MYO5C: variants seen among roughly 807,000 people sequenced by gnomAD.
The protein encoded by MYO5C is unconventional myosin-Vc.
In MYO5C, 194 loss-of-function variants were observed where a neutral mutation model predicts 235.7. That is an observed-to-expected ratio of 0.82 (90% CI 0.73 to 0.93). The LOEUF is 0.93. MYO5C is among the 40% of genes least tolerant of loss of function. The probability of loss-of-function intolerance (pLI) is 0.00; values close to 1 mark genes in which losing one functional copy is unlikely to be tolerated. For missense variants in MYO5C, 2,038 were observed against 2,127.2 expected (o/e 0.96, Z 0.82); for synonymous variants, 707 against 754.8 (o/e 0.94, Z 1.04).
intron 34 of MYO5C, among the ~76,000 whole-genome samples, chr15:52,212,907 C>G (rs143551399): frequency 2.0e-5 from 3 of 152,190 alleles, no homozygotes; most frequent in Non-Finnish European, 4.4e-5. Context: ...TTGGCCCCCA[C>G]AGGACATTCG....
chr15:52,205,192 C>T, intron 37 of MYO5C, 45 bp from the exon 38 acceptor site: 1 of 1,596,408 alleles, frequency 6.3e-7, no homozygotes, highest in Non-Finnish European at 8.5e-7. Flanking sequence ...AGGAGACACA[C>T]GCGGAACGTT....
rs267604255 is a variant in MYO5C, at chr15:52,247,568, G to A, written c.1771C>T (p.Gln591Ter). 6.2e-7 allele frequency: 1 copy of A among 1,613,930 alleles called. No homozygotes were observed. The highest frequency in any genetic ancestry group is 8.5e-7 in the Non-Finnish European group (1 of 1,179,942). ...GGAGAAGGAGGAGTTGGATTTTCTT[G>A]AAAAAAGTTGGCACAGAGATGAAAC... ...SKFHLCANFFQENPTPPSPFG... is the reference protein window; with the variant it reads ...SKFHLCANFF The change falls in exon 15 of 41, where the codon CAA becomes TAA. Residue 591 changes from glutamine to a stop codon, truncating the protein, a stop_gained. Coordinates refer to ENST00000261839, the MANE Select transcript of MYO5C (RefSeq NM_018728.4). LOFTEE classifies it high-confidence loss of function.
intron 40 of MYO5C, 112 bp downstream of exon 40, chr15:52,195,265 A>G: frequency 1.4e-6 from 1 of 702,152 alleles, no homozygotes; most frequent in Non-Finnish European, 2.3e-6. Flanking sequence ...TTTCATTTGT[A>G]TATGTGGGTA....
At position 52,213,170 on chromosome 15, in the gene MYO5C, A is replaced by G; in HGVS notation, c.4141+18T>C. On this transcript the variant is annotated intron_variant, in intron 34 of 40. Coordinates refer to ENST00000261839, the MANE Select transcript of MYO5C (RefSeq NM_018728.4). The stretch of plus-strand genomic sequence containing the variant: ...TCTCAAAGAGAAAGCAAAAATCCAG[A>G]GTTCCAGGTTTCACTACCAAGAATG... 6.2e-7 allele frequency: 1 copy of G among 1,601,572 alleles called. No individual in the cohort carries two copies. Among genetic ancestry groups the G allele is most frequent in the Non-Finnish European group, 8.6e-7 (1 of 1,168,596 alleles).
chr15:52,278,212 T>C (rs964375278), intron 4 of MYO5C, among the ~76,000 whole-genome samples: 20 of 152,140 alleles, frequency 1.3e-4, no homozygotes, highest in African/African-American at 3.9e-4. Context: ...ATGGGAAAAA[T>C]AAACTAGAGT....
intron 23 of MYO5C, among the ~76,000 whole-genome samples, 153 bp downstream of exon 23, chr15:52,235,517 C>T (rs756668032): frequency 1.3e-4 from 20 of 152,178 alleles, no homozygotes; most frequent in Non-Finnish European, 2.1e-4. Context: ...AAAGTTACCA[C>T]GACTTAAATA....
intron 10 of MYO5C, among the ~76,000 whole-genome samples, chr15:52,260,072 G>A (rs187633982): frequency 2.3e-4 from 35 of 152,352 alleles, no homozygotes; most frequent in African/African-American, 8.2e-4. Context: ...GGGGCCAGCT[G>A]CTAGAAAAGC....
In MYO5C at chr15:52,204,927, G is replaced by T; in HGVS notation, c.4758C>A (p.Val1586=). The T allele has an allele frequency of 6.2e-7, 1 of 1,614,214 alleles. No homozygotes were observed. The highest frequency in any genetic ancestry group is 1.1e-5 in the South Asian group (1 of 91,080). ...TGCGCAGGAAGAGGCTGTTCAGCGT[G>T]ACCGCCCCGATCAAGAAGAAGAGCT... ...VKQLFFLIGA[V]TLNSLFLRKD... is the part of the protein sequence containing the mutation. Residue 1586 remains valine, a synonymous_variant, in exon 38 of 41, where the codon GTC becomes GTA. Transcript: ENST00000261839.
intron 34 of MYO5C, among the ~76,000 whole-genome samples, chr15:52,212,144 T>G (rs1366002430): frequency 2.0e-5 from 3 of 152,226 alleles, no homozygotes; most frequent in African/African-American, 4.8e-5. Context: ...ATCTTTATTT[T>G]TCCCTGGTGT....
Position 52,208,536 on chromosome 15 carries a change from C to G in MYO5C, c.4386+18G>C. 6.2e-7 allele frequency: 1 copy of G among 1,610,938 alleles called. No homozygotes were observed. The highest frequency in any genetic ancestry group is 8.5e-7 in the Non-Finnish European group (1 of 1,177,452). ...CTGGCTGTCAGCACAAAACAACAAGCAGGTGGGCGCCCCCTACCTCTTCTC... is the reference window on the plus strand; with the variant it reads ...CTGGCTGTCAGCACAAAACAACAAGGAGGTGGGCGCCCCCTACCTCTTCTC... On this transcript the variant is annotated intron_variant, in intron 36 of 40. Transcript: ENST00000261839.
At chr15:52,205,196 G>T in intron 37 of MYO5C, 49 bp from the exon 38 acceptor site, 1 of 1,586,496 alleles carries the variant, frequency 6.3e-7, no homozygotes, top group South Asian at 1.1e-5. Context: ...GACACACGCG[G>T]AACGTTCCCG....
intron 34 of MYO5C, 38 bp downstream of exon 34, chr15:52,213,150 A>G: frequency 1.3e-6 from 2 of 1,553,174 alleles, no homozygotes; most frequent in South Asian, 2.2e-5. Flanking sequence ...CAAGTTCTCA[A>G]AGAGAAAGCA....
At chr15:52,208,092 T>C (rs1014823034) in intron 36 of MYO5C, among the ~76,000 whole-genome samples, 6 of 152,212 alleles carry the variant, frequency 3.9e-5, no homozygotes, top group African/African-American at 1.4e-4. Flanking sequence ...TTATTTTAGT[T>C]CAATGAAATT....
intron 1 of MYO5C, among the ~76,000 whole-genome samples, chr15:52,292,554 CAT>C (rs979521838): frequency 5.3e-5 from 8 of 152,228 alleles, no homozygotes; most frequent in East Asian, 1.9e-4. Flanking sequence ...GCATCTAGCA[CAT>C]AGAGATAAAA....
chr15:52,203,726 C>T (rs2035238321), intron 38 of MYO5C, among the ~76,000 whole-genome samples: 1 of 152,154 alleles, frequency 6.6e-6, no homozygotes, highest in South Asian at 2.1e-4. Context: ...AGGTCTTATT[C>T]ATTCTTTCTC....
intron 32 of MYO5C, among the ~76,000 whole-genome samples, 176 bp downstream of exon 32, chr15:52,218,343 G>C (rs950692103): frequency 6.6e-6 from 1 of 152,148 alleles, no homozygotes; most frequent in Admixed American, 6.5e-5. Context: ...AGTCCCCAAG[G>C]CCTTCCCAAA....
At chr15:52,236,610 A>G (rs571546513) in intron 22 of MYO5C, among the ~76,000 whole-genome samples, 56 of 152,182 alleles carry the variant, frequency 3.7e-4, no homozygotes, top group African/African-American at 1.2e-3. Context: ...CGGGAGGTGG[A>G]GGTTGCAGTG....
At chr15:52,228,424 G>A (rs918618352) in intron 25 of MYO5C, among the ~76,000 whole-genome samples, 1 of 152,170 alleles carries the variant, frequency 6.6e-6, no homozygotes, top group Admixed American at 6.5e-5. Flanking sequence ...TTACAGGCCT[G>A]AGCCACCGTG....
Position 52,225,112 on chromosome 15 carries a change from GTTGT to G in MYO5C, c.3324_3327del (p.Lys1108AsnfsTer11). The G allele has an allele frequency of 6.2e-7, 1 of 1,614,102 alleles. No individual in the cohort carries two copies. The highest frequency in any genetic ancestry group is 8.5e-7 in the Non-Finnish European group (1 of 1,179,988). On this transcript the variant is annotated frameshift_variant, in exon 27 of 41. Transcript: ENST00000261839. LOFTEE classifies it high-confidence loss of function. Reference sequence around the variant, plus strand: ...TCTTCAATGTCATAGCTTTCGAGAAGTTGTTTGGTGATCTCTGACATCTTTTCTG... The same window carrying G: ...TCTTCAATGTCATAGCTTTCGAGAAGTTGGTGATCTCTGACATCTTTTCTG...
Sources: gnomAD v4.1 joint callset for allele counts (sites outside exome capture counted in the v4.1 genomes callset) on GRCh38, gnomAD v4.1.1 for gene constraint, MANE v1.5 for transcripts, NCBI Gene and HGNC (gene_info 2026-07-23, HGNC 2026-07-21) for gene names.